The following TRAPPC8 variants were observed in gnomAD, a reference collection of about 807,000 sequenced individuals.
TRAPPC8 encodes general sporulation gene 1 homolog.
TRAPPC8 carries 54 observed loss-of-function variants against 174.3 expected under a neutral mutation model. That is an observed-to-expected ratio of 0.31 (90% CI 0.25 to 0.39). The LOEUF is 0.39. Among genes scored for constraint, TRAPPC8 ranks in the 10% least tolerant of loss-of-function variants. The probability of loss-of-function intolerance (pLI) is 1.00; values close to 1 mark genes in which losing one functional copy is unlikely to be tolerated. For missense variants in TRAPPC8, 1,531 were observed against 1,699.1 expected (o/e 0.90, Z 1.74); for synonymous variants, 630 against 579.9 (o/e 1.09, Z -1.24).
intron 25 of TRAPPC8, among the ~76,000 whole-genome samples, chr18:31,848,253 G>C (rs2033512834): frequency 6.6e-6 from 1 of 152,128 alleles, no homozygotes; most frequent in Non-Finnish European, 1.5e-5. Context: ...TTCTTTATGT[G>C]ATTAGTGATA....
intron 13 of TRAPPC8, chr18:31,874,176 T>TA (rs2035028056): frequency 2.4e-6 from 1 of 410,122 alleles, no homozygotes; most frequent in Admixed American, 4.1e-5. Context: ...AAATCAGTTG[T>TA]GAGTCTATAA....
intron 27 of TRAPPC8, 68 bp from the exon 28 acceptor site, chr18:31,832,241 AAC>A: frequency 1.1e-6 from 1 of 884,652 alleles, no homozygotes. Flanking sequence ...TCCTGAAAAT[AAC>A]ACTTAAGACT....
Position 31,837,453 on chromosome 18 carries a change from T to C in TRAPPC8, c.3983+1859A>G, listed in dbSNP as rs373246933. On this transcript the variant is annotated intron_variant, in intron 27 of 28. Transcript: ENST00000283351. ...GGCTCACGCCTGTGATCCCAGCACTTTGGGAGGCCGAGGCAATCTGCCTGA... is the reference window on the plus strand; with the variant it reads ...GGCTCACGCCTGTGATCCCAGCACTCTGGGAGGCCGAGGCAATCTGCCTGA... Among the ~76,000 whole-genome samples, 76 of 152,284 alleles carry C rather than the reference T, an allele frequency of 5.0e-4. No individual in the cohort carries two copies. In the East Asian group the frequency reaches 8.5e-3, roughly 17 times the overall value.
At position 31,942,839 on chromosome 18, in the gene TRAPPC8, C is replaced by T. The variant is rs942212226; in HGVS notation, c.-75G>A. 40 of 1,262,350 alleles carry T rather than the reference C, an allele frequency of 3.2e-5. No homozygotes were observed. The highest frequency in any genetic ancestry group is 4.0e-5 in the Non-Finnish European group (40 of 1,002,002). 78.2% of individuals were successfully genotyped at this position (1,262,350 alleles called of 1,614,324 possible). A position where few individuals can be genotyped will look rare whatever the true frequency, so the allele number is the denominator to read the frequency against. ...GGTTATCCTGCGGCTGCAGCAGCTA[C>T]CGCCGCCGCCCGCCGGCCTGGCCCG... On this transcript the variant is annotated 5_prime_UTR_variant, in exon 1 of 29. Transcript: ENST00000283351.
intron 18 of TRAPPC8, among the ~76,000 whole-genome samples, chr18:31,865,915 T>G (rs372205015): frequency 6.6e-6 from 1 of 151,900 alleles, no homozygotes; most frequent in African/African-American, 2.4e-5. Context: ...TCAATTTTAG[T>G]GCAAATTTTT....
intron 11 of TRAPPC8, among the ~76,000 whole-genome samples, chr18:31,893,152 T>G (rs924697230): frequency 2.6e-5 from 4 of 152,154 alleles, no homozygotes; most frequent in African/African-American, 9.7e-5. Context: ...CTTTTGTGAA[T>G]GGTTTGTTGC....
At chr18:31,911,851 G>A (rs534282871) in intron 5 of TRAPPC8, among the ~76,000 whole-genome samples, 16 of 138,246 alleles carry the variant, frequency 1.2e-4, no homozygotes, top group African/African-American at 4.1e-4. Flanking sequence ...AGGCCTGGGC[G>A]ACAGAGCGAG....
At chr18:31,881,940 T>A (rs1011238963) in intron 12 of TRAPPC8, among the ~76,000 whole-genome samples, 1 of 152,140 alleles carries the variant, frequency 6.6e-6, no homozygotes, top group African/African-American at 2.4e-5. Context: ...TACCATCTCA[T>A]ACCAGTTTAG....
intron 11 of TRAPPC8, chr18:31,895,772 G>C (rs1279098076): frequency 2.0e-5 from 3 of 152,192 alleles, no homozygotes; most frequent in South Asian, 2.1e-4. Context: ...TTATAATAGA[G>C]AATATCAAAA....
Position 31,846,769 on chromosome 18 carries a change from G to C in TRAPPC8, c.3784C>G (p.His1262Asp), listed in dbSNP as rs758416558. Residue 1262 changes from histidine to aspartate, a missense_variant, in exon 26 of 29, where the codon CAT (histidine) becomes GAT (aspartate). Coordinates refer to ENST00000283351, the MANE Select transcript of TRAPPC8 (RefSeq NM_014939.5). ...SKQLILEGQH[H>D]VILRTIGKEA... is the part of the protein sequence containing the mutation. ...TTTCCTATAGTGCGAAGAATAACAT[G>C]ATGTTGACCTTCCAAAATAAGCTGT... is the stretch of plus-strand genomic sequence containing the variant. 1 of 1,612,950 alleles carries C rather than the reference G, an allele frequency of 6.2e-7. No individual in the cohort carries two copies. The highest frequency in any genetic ancestry group is 1.1e-5 in the South Asian group (1 of 90,954).
chr18:31,943,069 C>T lies in TRAPPC8; in HGVS notation c.-305G>A, dbSNP rs2038421754. ...GTCCTTCGGACGGCAAAACCTTGGT[C>T]ACTGCCCGGCCGGAACCGCCATGTT... On this transcript the variant is annotated 5_prime_UTR_variant, in exon 1 of 29. The change abolishes the stop of an existing upstream ORF in the 5' untranslated region. Coordinates refer to ENST00000283351, the MANE Select transcript of TRAPPC8 (RefSeq NM_014939.5). 2.2e-6 allele frequency: 1 copy of T among 461,284 alleles called. No homozygotes were observed. The highest frequency in any genetic ancestry group is 2.0e-5 in the African/African-American group (1 of 49,660). 28.6% of individuals were successfully genotyped at this position (461,284 alleles called of 1,614,324 possible).
At chr18:31,910,389 G>A (rs1169904366) in intron 5 of TRAPPC8, among the ~76,000 whole-genome samples, 1 of 152,138 alleles carries the variant, frequency 6.6e-6, no homozygotes, top group Non-Finnish European at 1.5e-5. Flanking sequence ...TAGAACTCAA[G>A]AAGAAAGTGA....
At chr18:31,911,997 A>ACAAAACAT (rs2036933572) in intron 5 of TRAPPC8, among the ~76,000 whole-genome samples, 2 of 152,144 alleles carry the variant, frequency 1.3e-5, no homozygotes, top group African/African-American at 4.8e-5. Context: ...TAGAAGTCTG[A>ACAAAACAT]CAAAACATCA....
At chr18:31,886,140 G>A (rs1055413022) in intron 12 of TRAPPC8, among the ~76,000 whole-genome samples, 3 of 151,224 alleles carry the variant, frequency 2.0e-5, no homozygotes, top group Non-Finnish European at 4.4e-5. Flanking sequence ...CGAGTAGCTG[G>A]GATTACAGGC....
At chr18:31,878,378 T>C (rs2035265923) in intron 12 of TRAPPC8, among the ~76,000 whole-genome samples, 1 of 152,160 alleles carries the variant, frequency 6.6e-6, no homozygotes, top group Non-Finnish European at 1.5e-5. Context: ...AAAAAACTAC[T>C]AGCCAAGAAT....
rs2034639305 is a variant in TRAPPC8, at chr18:31,867,442, A to T, written c.2423T>A (p.Val808Asp). ...TSEPEMIGAE[V>D]ISEFLINGEE... The stretch of plus-strand genomic sequence containing the variant: ...GCCATTAATTAAGAACTCTGAAATA[A>T]CTTCAGCTCCAATCATTTCAGGTTC... Residue 808 changes from valine (V) to aspartate (D), a missense_variant, in exon 17 of 29, where the codon GTT becomes GAT. By Grantham distance (152) the Val-to-Asp change is radical. Transcript: ENST00000283351. 3 of 1,609,314 alleles carry T rather than the reference A, an allele frequency of 1.9e-6. No individual in the cohort carries two copies. The Admixed American group carries it at 5.0e-5, about 27-fold the overall frequency.
chr18:31,893,924 G>A (rs1407895508), intron 11 of TRAPPC8, among the ~76,000 whole-genome samples: 1 of 152,156 alleles, frequency 6.6e-6, no homozygotes, highest in Admixed American at 6.5e-5. Context: ...TGGATGGGCA[G>A]CAATCCTGGA....
chr18:31,832,549 C>A, intron 27 of TRAPPC8: 1 of 152,214 alleles, frequency 6.6e-6, no homozygotes, highest in Non-Finnish European at 1.5e-5. Flanking sequence ...TGTCTTTGTG[C>A]TTATTAAAAA....
At chr18:31,884,840 C>T (rs879463859) in intron 12 of TRAPPC8, among the ~76,000 whole-genome samples, 1 of 150,652 alleles carries the variant, frequency 6.6e-6, no homozygotes, top group Non-Finnish European at 1.5e-5. Context: ...GACTCCATTT[C>T]TTAAAAAAAT....
Sources: allele counts gnomAD v4.1 joint callset (sites outside exome capture counted in the v4.1 genomes callset), GRCh38; gene constraint gnomAD v4.1.1; transcripts MANE v1.5; gene names NCBI Gene and HGNC (gene_info 2026-07-23, HGNC 2026-07-21).